IKBKB: variants seen among roughly 807,000 people sequenced by gnomAD.
IKBKB encodes inhibitor of nuclear factor kappa-B kinase subunit beta.
IKBKB carries 42 observed loss-of-function variants against 113.6 expected under a neutral mutation model. That is an observed-to-expected ratio of 0.37 (90% CI 0.29 to 0.48). The LOEUF (loss-of-function observed/expected upper bound fraction) is 0.48, where lower values mean the gene tolerates loss of function less well. Among genes scored for constraint, IKBKB ranks in the 20% least tolerant of loss-of-function variants. The pLI is 0.99. For synonymous variants in IKBKB, 296 were observed against 361.3 expected, an observed-to-expected ratio of 0.82 and a Z score of 2.05; for missense variants, 673 against 939.7, an observed-to-expected ratio of 0.72 and a Z score of 3.71.
chr8:42,287,217 G>C (rs1187786322), intron 2 of IKBKB, among the ~76,000 whole-genome samples: 1 of 152,256 alleles, frequency 6.6e-6, no homozygotes, highest in Non-Finnish European at 1.5e-5. Context: ...CCAGGGAGAA[G>C]AGGGGAGGCC....
At chr8:42,279,006 AAGAG>A (rs1243226540) in intron 2 of IKBKB, among the ~76,000 whole-genome samples, 12 of 151,858 alleles carry the variant, frequency 7.9e-5, no homozygotes, top group Admixed American at 3.3e-4. Flanking sequence ...GAAAAAAAAA[AAGAG>A]AGAGAGAGAT....
chr8:42,274,673 C>G (rs905805222), intron 2 of IKBKB, among the ~76,000 whole-genome samples: 1 of 147,422 alleles, frequency 6.8e-6, no homozygotes, highest in Non-Finnish European at 1.5e-5. Context: ...GCTGAGATTA[C>G]AGGTGCCTGC....
intron 5 of IKBKB, among the ~76,000 whole-genome samples, chr8:42,304,681 G>A (rs1816145525): frequency 6.6e-6 from 1 of 152,138 alleles, no homozygotes; most frequent in African/African-American, 2.4e-5. Context: ...TGGGACTGTC[G>A]ATCATATGAC....
At position 42,290,024 on chromosome 8, in the gene IKBKB, C is replaced by T. The variant is rs933199365; in HGVS notation, c.201-132C>T. The T allele has an allele frequency of 1.4e-5, 9 of 659,664 alleles. No homozygotes were observed. The African/African-American group carries it at 1.4e-4, about 11-fold the overall frequency. The allele number at this position is 659,664 out of a possible 1,614,324, so 40.9% of individuals were successfully genotyped here. On this transcript the variant is annotated intron_variant, in intron 3 of 21. Transcript: ENST00000520810. Reference sequence around the variant, plus strand: ...CCAGGCATTGCGGTTGGCCACCCGTCCTGGGCTCTGTCTTCCTCTGTTTCA... The same window carrying T: ...CCAGGCATTGCGGTTGGCCACCCGTTCTGGGCTCTGTCTTCCTCTGTTTCA...
intron 20 of IKBKB, chr8:42,326,491 A>G (rs1240813039): frequency 1.1e-5 from 2 of 180,234 alleles, no homozygotes; most frequent in South Asian, 2.3e-4. Context: ...TGACCTTCCC[A>G]TTCTTCCCGT....
chr8:42,300,107 G>A (rs1031624748), intron 5 of IKBKB, among the ~76,000 whole-genome samples: 3 of 152,196 alleles, frequency 2.0e-5, no homozygotes, highest in African/African-American at 4.8e-5. Context: ...GGCACCCAAC[G>A]TTACTGCCTT....
chr8:42,310,354 A>C (rs1329227290), intron 8 of IKBKB, among the ~76,000 whole-genome samples: 2 of 152,154 alleles, frequency 1.3e-5, no homozygotes, highest in East Asian at 1.9e-4. Context: ...CCCCACAGGC[A>C]CCTGCTGTCT....
At chr8:42,306,143 T>C (rs1363021567) in intron 6 of IKBKB, among the ~76,000 whole-genome samples, 200 bp from the exon 7 acceptor site, 1 of 152,226 alleles carries the variant, frequency 6.6e-6, no homozygotes, top group Admixed American at 6.5e-5. Context: ...CTAGCATTTT[T>C]ACAATATGCC....
Position 42,330,982 on chromosome 8 carries a change from TGG to T in IKBKB, c.*8_*9del, listed in dbSNP as rs767853683. 1.9e-6 allele frequency: 3 copies of T among 1,613,874 alleles called. No individual in the cohort carries two copies. The highest frequency in any genetic ancestry group is 2.5e-6 in the Non-Finnish European group (3 of 1,179,908). On this transcript the variant is annotated 3_prime_UTR_variant, in exon 22 of 22. Transcript: ENST00000520810. ...GCTGCCTGGAGCAGGCCTCATGATG[TGG>T]GGGGACTCGACCCCCTGACATGGGG... is the stretch of plus-strand genomic sequence containing the variant.
chr8:42,288,579 G>A (rs758864893), intron 2 of IKBKB, 55 bp from the exon 3 acceptor site: 64 of 1,385,732 alleles, frequency 4.6e-5, no homozygotes, highest in Non-Finnish European at 5.8e-5. Flanking sequence ...CAGCAGACAG[G>A]GTGGGATTTG....
At chr8:42,294,132 G>A (rs1313849850) in intron 5 of IKBKB, among the ~76,000 whole-genome samples, 1 of 152,248 alleles carries the variant, frequency 6.6e-6, no homozygotes, top group African/African-American at 2.4e-5. Flanking sequence ...GAGACAGGGA[G>A]AGGGACTTGC....
At chr8:42,286,535 G>T (rs1302415414) in intron 2 of IKBKB, among the ~76,000 whole-genome samples, 1 of 152,106 alleles carries the variant, frequency 6.6e-6, no homozygotes, top group Admixed American at 6.5e-5. Flanking sequence ...CTGTTGCCCA[G>T]ATCTCCTGCA....
At chr8:42,317,793 T>A in intron 12 of IKBKB, 22 bp downstream of exon 12, 1 of 1,509,588 alleles carries the variant, frequency 6.6e-7, no homozygotes, top group Non-Finnish European at 9.2e-7. Context: ...TTATGTTTTG[T>A]TTTTCTAAAT....
intron 13 of IKBKB, among the ~76,000 whole-genome samples, 158 bp from the exon 14 acceptor site, chr8:42,319,112 A>G (rs1054580937): frequency 2.0e-5 from 3 of 152,168 alleles, no homozygotes; most frequent in African/African-American, 7.2e-5. Flanking sequence ...GGGCTAGGAA[A>G]TTGTCCTTGG....
chr8:42,324,371 T>C (rs1335850443), intron 19 of IKBKB, among the ~76,000 whole-genome samples: 2 of 152,166 alleles, frequency 1.3e-5, no homozygotes, highest in African/African-American at 4.8e-5. Flanking sequence ...TTCAAGTGAT[T>C]CTCCTGCCTC....
chr8:42,304,540 T>C (rs960732610), intron 5 of IKBKB, among the ~76,000 whole-genome samples: 6 of 152,210 alleles, frequency 3.9e-5, no homozygotes, highest in African/African-American at 1.4e-4. Context: ...CCTTATTTTA[T>C]GTCCCTCACA....
At chr8:42,290,339 G>T in intron 4 of IKBKB, 66 bp downstream of exon 4, 1 of 1,045,666 alleles carries the variant, frequency 9.6e-7, no homozygotes. Context: ...GAAGAGGGAT[G>T]GGGAGACCTT....
At chr8:42,285,505 T>C (rs1404906160) in intron 2 of IKBKB, among the ~76,000 whole-genome samples, 1 of 152,100 alleles carries the variant, frequency 6.6e-6, no homozygotes, top group East Asian at 1.9e-4. Flanking sequence ...CAGTGAGCTA[T>C]GATCACTCCA....
chr8:42,322,960 G>C (rs891759063), intron 19 of IKBKB, among the ~76,000 whole-genome samples: 15 of 152,170 alleles, frequency 9.9e-5, no homozygotes, highest in Non-Finnish European at 1.9e-4. Flanking sequence ...CCCAGGAGTT[G>C]AAAGTCCCGT....
Sources: gnomAD v4.1 joint callset for allele counts (sites outside exome capture counted in the v4.1 genomes callset) on GRCh38, gnomAD v4.1.1 for gene constraint, MANE v1.5 for transcripts, NCBI Gene and HGNC (gene_info 2026-07-23, HGNC 2026-07-21) for gene names.